ESRRG: variants seen among roughly 807,000 people sequenced by gnomAD.
ESRRG encodes estrogen related receptor gamma.
Under a neutral mutation model 44.0 loss-of-function variants are expected in ESRRG, and 13 were observed. That is an observed-to-expected ratio of 0.30 (90% CI 0.19 to 0.47). The LOEUF (loss-of-function observed/expected upper bound fraction) is 0.47, where lower values mean the gene tolerates loss of function less well. Ranked by LOEUF, ESRRG falls within the 20% of genes least tolerant of loss-of-function variation. ESRRG has a pLI of 1.00. For missense variants in ESRRG, 395 were observed against 580.6 expected, an observed-to-expected ratio of 0.68 and a Z score of 3.29; for synonymous variants, 215 against 214.6, an observed-to-expected ratio of 1.00 and a Z score of -0.02.
intron 1 of ESRRG, among the ~76,000 whole-genome samples, chr1:216,685,083 C>G (rs1050469313): frequency 6.6e-6 from 1 of 152,052 alleles, no homozygotes; most frequent in African/African-American, 2.4e-5. Context: ...TTCTGCGAAC[C>G]AAAAGCCTAA....
intron 6 of ESRRG, among the ~76,000 whole-genome samples, chr1:216,511,530 C>A (rs531622113): frequency 7.2e-6 from 1 of 138,118 alleles, no homozygotes; most frequent in South Asian, 2.5e-4. Flanking sequence ...CAGGGTATTC[C>A]CAAAATATAC....
chr1:216,754,227 T>C (rs763474999), intron 2 of ESRRG, among the ~76,000 whole-genome samples: 84 of 152,138 alleles, frequency 5.5e-4, no homozygotes, highest in Non-Finnish European at 1.1e-3. Context: ...ACCCAGCCTA[T>C]ACATTTCACC....
At chr1:216,779,782 T>C (rs1432290865) in intron 2 of ESRRG, among the ~76,000 whole-genome samples, 1 of 150,940 alleles carries the variant, frequency 6.6e-6, no homozygotes. Context: ...TGTAGGCAGA[T>C]GTTAGAAAAA....
At chr1:216,650,261 G>T (rs2068621926) in intron 3 of ESRRG, among the ~76,000 whole-genome samples, 1 of 152,216 alleles carries the variant, frequency 6.6e-6, no homozygotes, top group South Asian at 2.1e-4. Context: ...ACGAAGTAAA[G>T]AAAACTTTTT....
intron 3 of ESRRG, among the ~76,000 whole-genome samples, chr1:216,628,402 G>A (rs77430963): frequency 3.3e-5 from 5 of 152,238 alleles, no homozygotes; most frequent in African/African-American, 7.2e-5. Flanking sequence ...TTAGAGGTGC[G>A]ATCTACTGTG....
chr1:217,093,999 C>A (rs879751932), upstream of ESRRG, among the ~76,000 whole-genome samples: 36 of 152,172 alleles, frequency 2.4e-4, no homozygotes, highest in East Asian at 3.3e-3. Context: ...CCTCCTGCCT[C>A]AGACTCTGGA....
chr1:216,664,527 T>C (rs149325717), intron 2 of ESRRG, among the ~76,000 whole-genome samples: 16 of 150,826 alleles, frequency 1.1e-4, no homozygotes, highest in Non-Finnish European at 1.9e-4. Context: ...TCAGGAATCT[T>C]AAGACAGCTA....
At chr1:216,973,620 A>C (rs1291379366) in intron 1 of ESRRG, among the ~76,000 whole-genome samples, 1 of 152,108 alleles carries the variant, frequency 6.6e-6, no homozygotes, top group Non-Finnish European at 1.5e-5. Context: ...TGAGGTCGGG[A>C]GTTCGAGACC....
intron 2 of ESRRG, among the ~76,000 whole-genome samples, chr1:216,791,474 G>A (rs1335374745): frequency 6.6e-6 from 1 of 152,016 alleles, no homozygotes; most frequent in African/African-American, 2.4e-5. Context: ...CCAGTCTCAG[G>A]TATTTTTTTA....
intron 3 of ESRRG, among the ~76,000 whole-genome samples, chr1:216,613,205 G>C (rs1451000093): frequency 6.6e-6 from 1 of 152,014 alleles, no homozygotes; most frequent in African/African-American, 2.4e-5. Context: ...TACTATATTG[G>C]AAAATTTCTA....
intron 3 of ESRRG, among the ~76,000 whole-genome samples, chr1:216,593,351 A>T (rs1473690320): frequency 6.6e-6 from 1 of 152,260 alleles, no homozygotes; most frequent in African/African-American, 2.4e-5. Flanking sequence ...TATTTGAGGC[A>T]CAACTTTACT....
At chr1:216,919,315 A>G (rs2061550425) in intron 2 of ESRRG, among the ~76,000 whole-genome samples, 1 of 152,196 alleles carries the variant, frequency 6.6e-6, no homozygotes, top group Admixed American at 6.5e-5. Flanking sequence ...AGAAAATGTC[A>G]TCCATGTGGC....
Position 216,723,323 on chromosome 1 carries a change from T to C in ESRRG, c.-24A>G, listed in dbSNP as rs2086776673. On this transcript the variant is annotated 5_prime_UTR_variant, in exon 1 of 7. Coordinates refer to ENST00000408911, the MANE Select transcript of ESRRG (RefSeq NM_001438.4). ...ATGTGCGACCGGCAACCATTATTTG[T>C]GCACCCCAGCTATAAATCAAAGTTT... is the stretch of plus-strand genomic sequence containing the variant. The C allele has an allele frequency of 1.2e-6, 2 of 1,612,806 alleles. No homozygotes were observed. Among genetic ancestry groups the C allele is most frequent in the South Asian group, 2.2e-5 (2 of 91,064 alleles).
At chr1:216,559,538 T>A (rs889756881) in intron 5 of ESRRG, among the ~76,000 whole-genome samples, 27 of 152,234 alleles carry the variant, frequency 1.8e-4, no homozygotes, top group African/African-American at 6.5e-4. Context: ...ACATATGGTA[T>A]AACTCACCCT....
At chr1:216,670,379 A>T (rs1320727219) in intron 2 of ESRRG, among the ~76,000 whole-genome samples, 1 of 152,228 alleles carries the variant, frequency 6.6e-6, no homozygotes, top group Non-Finnish European at 1.5e-5. Context: ...TTGCAGGAAA[A>T]TGACTAATCT....
chr1:216,922,230 A>G (rs2061938801), intron 2 of ESRRG, among the ~76,000 whole-genome samples: 1 of 152,208 alleles, frequency 6.6e-6, no homozygotes, highest in East Asian at 1.9e-4. Context: ...TGAAGCGTAC[A>G]CAGCATTTTT....
At chr1:216,648,242 A>C (rs1370616602) in intron 3 of ESRRG, among the ~76,000 whole-genome samples, 1 of 152,162 alleles carries the variant, frequency 6.6e-6, no homozygotes, top group African/African-American at 2.4e-5. Context: ...ATTTCACTGC[A>C]TTTTTAAAGT....
chr1:216,509,043 A>G (rs567003585), intron 6 of ESRRG, among the ~76,000 whole-genome samples: 1 of 152,344 alleles, frequency 6.6e-6, no homozygotes, highest in African/African-American at 2.4e-5. Context: ...GAATAAAAAT[A>G]ATACATTTAC....
chr1:217,109,514 C>T (rs1040278953), intron 1 of ESRRG, among the ~76,000 whole-genome samples: 4 of 152,130 alleles, frequency 2.6e-5, no homozygotes, highest in South Asian at 2.1e-4. Flanking sequence ...CCAGTAGTTC[C>T]GCAGATACCA....
Sources: gnomAD v4.1 joint callset for allele counts (sites outside exome capture counted in the v4.1 genomes callset) on GRCh38, gnomAD v4.1.1 for gene constraint, MANE v1.5 for transcripts, NCBI Gene and HGNC (gene_info 2026-07-23, HGNC 2026-07-21) for gene names.